The following VPS53 variants were observed in gnomAD, a reference collection of about 807,000 sequenced individuals.
VPS53 encodes the protein vacuolar protein sorting-associated protein 53 homolog.
A neutral mutation model predicts 107.0 loss-of-function variants in VPS53; 70 were observed. The ratio of observed to expected loss-of-function variants is 0.65; its 90% CI spans 0.54 to 0.80. VPS53 has a LOEUF of 0.80. Ranked by LOEUF, VPS53 falls within the 30% of genes least tolerant of loss-of-function variation. The pLI is 0.00. For synonymous variants in VPS53, 409 were observed against 393.3 expected (o/e 1.04, Z -0.47); for missense variants, 917 against 1,049.4 (o/e 0.87, Z 1.74).
intron 14 of VPS53, among the ~76,000 whole-genome samples, chr17:561,454 G>A (rs1265257619): frequency 6.6e-6 from 1 of 152,116 alleles, no homozygotes; most frequent in Non-Finnish European, 1.5e-5. Flanking sequence ...ATGCTCCCAC[G>A]ATGAAGTTAA....
intron 11 of VPS53, among the ~76,000 whole-genome samples, chr17:621,129 T>C (rs1218059220): frequency 6.6e-6 from 1 of 152,178 alleles, no homozygotes; most frequent in Non-Finnish European, 1.5e-5. Context: ...CCAAGAGACA[T>C]CCACTGTTAC....
In VPS53 at chr17:699,295, T is replaced by A. The variant is rs1009436011; in HGVS notation, c.218+36A>T. 3 of 1,477,160 alleles carry A rather than the reference T, an allele frequency of 2.0e-6. No individual in the cohort carries two copies. In the African/African-American group the frequency reaches 4.4e-5, roughly 22 times the overall value. The allele number at this position is 1,477,160 out of a possible 1,614,324, so 91.5% of individuals were successfully genotyped here. ...GATTAACTAAATTAACAATATACTT[T>A]TCATTAATTATGAACAATCACACAG... is the stretch of plus-strand genomic sequence containing the variant. On this transcript the variant is annotated intron_variant, in intron 3 of 21. Transcript: ENST00000437048.
intron 7 of VPS53, among the ~76,000 whole-genome samples, chr17:645,790 C>T (rs372448816): frequency 0.18 from 26,095 of 146,128 alleles, 2,669 homozygotes; most frequent in Admixed American, 0.28. Flanking sequence ...TCTCCGTGAC[C>T]GTGTGGCCAC....
chr17:541,082 C>CA (rs1910601632), intron 17 of VPS53, among the ~76,000 whole-genome samples: 1 of 152,348 alleles, frequency 6.6e-6, no homozygotes, highest in African/African-American at 2.4e-5. Context: ...AGCATAGACT[C>CA]AGACAGCTGG....
At chr17:563,816 A>G (rs1248130665) in intron 13 of VPS53, among the ~76,000 whole-genome samples, 1 of 152,238 alleles carries the variant, frequency 6.6e-6, no homozygotes, top group Non-Finnish European at 1.5e-5. Context: ...ATATTTAGAC[A>G]TCACGAACCT....
Position 547,065 on chromosome 17 carries a change from CA to C in VPS53, c.1866+4806del, listed in dbSNP as rs530924649. On this transcript the variant is annotated intron_variant, in intron 17 of 21. Transcript: ENST00000437048. ...CTAATTTTTGTATTTTTATTAGAGA[CA>C]GGGTTTCGCCATGTTGGCCAGGCTG... Among the ~76,000 whole-genome samples, 28 of 152,092 alleles carry C rather than the reference CA, an allele frequency of 1.8e-4. No homozygotes were observed. The South Asian group carries it at 5.6e-3, about 30-fold the overall frequency.
chr17:588,144 T>C (rs760801286), intron 12 of VPS53, among the ~76,000 whole-genome samples: 2 of 152,120 alleles, frequency 1.3e-5, no homozygotes, highest in South Asian at 2.1e-4. Context: ...GGTGAAACCC[T>C]GTCTCTACTA....
chr17:543,870 A>AGGGAGGGG (rs1910922758), intron 17 of VPS53, among the ~76,000 whole-genome samples: 1 of 64,416 alleles, frequency 1.6e-5, no homozygotes, highest in Non-Finnish European at 3.0e-5. Context: ...GGAGGGAGGG[A>AGGGAGGGG]AGGAGGGGAG....
At chr17:593,744 A>C (rs2143003875) in intron 12 of VPS53, among the ~76,000 whole-genome samples, 1 of 152,328 alleles carries the variant, frequency 6.6e-6, no homozygotes, top group South Asian at 2.1e-4. Context: ...TGTGGAAGTC[A>C]GTGTGGCGAT....
In VPS53 at chr17:519,328, C is replaced by T. The variant is rs971905858; in HGVS notation, c.2329-30G>A. 34 of 1,452,140 alleles carry T rather than the reference C, an allele frequency of 2.3e-5. No individual in the cohort carries two copies. Among genetic ancestry groups the T allele is most frequent in the Middle Eastern group, 1.8e-4 (1 of 5,448 alleles). The allele number at this position is 1,452,140 out of a possible 1,614,324, so 90.0% of individuals were successfully genotyped here. The stretch of plus-strand genomic sequence containing the variant: ...GGTTGAGAGAGAAACAGAACCGTCA[C>T]GAAGTCTGGGCCAGAATGGCCCACG... On this transcript the variant is annotated intron_variant, in intron 21 of 21. Coordinates refer to ENST00000437048, the MANE Select transcript of VPS53 (RefSeq NM_001128159.3). This position sits in a 1 kb window ranked among gnomAD's most constrained non-coding sequence, Gnocchi z 5.0.
At chr17:547,430 C>G (rs59019681) in intron 17 of VPS53, among the ~76,000 whole-genome samples, 30,322 of 152,024 alleles carry the variant, frequency 0.2, 6,135 homozygotes, top group African/African-American at 0.51. Flanking sequence ...CACAAGATGT[C>G]CCACATGCCA....
At position 591,442 on chromosome 17, in the gene VPS53, G is replaced by A. The variant is rs535810596; in HGVS notation, c.1219-5078C>T. ...CTAGCTTTTGAATGTGTTTGCTCTT[G>A]CTTTTCTAGTTCTTTTAATTGTGAT... is the stretch of plus-strand genomic sequence containing the variant. On this transcript the variant is annotated intron_variant, in intron 12 of 21. Transcript: ENST00000437048. Among the ~76,000 whole-genome samples, 1,300 of 152,056 alleles carry A rather than the reference G, an allele frequency of 8.5e-3. 18 individuals carry two copies. The highest frequency in any genetic ancestry group is 0.03 in the African/African-American group (1,251 of 41,468).
intron 6 of VPS53, among the ~76,000 whole-genome samples, chr17:655,315 T>TAAAAAGTAGATTGA (rs60550992): frequency 3.3e-5 from 5 of 151,618 alleles, no homozygotes; most frequent in Admixed American, 1.3e-4. Flanking sequence ...ATCTACTTTA[T>TAAAAAGTAGATTGA]AAAAAAAAGT....
At chr17:663,695 T>C (rs1033079470) in intron 4 of VPS53, among the ~76,000 whole-genome samples, 9 of 152,368 alleles carry the variant, frequency 5.9e-5, no homozygotes, top group African/African-American at 2.2e-4. Context: ...TATGAATTCC[T>C]GAGGCAGTTA....
At chr17:630,656 C>G (rs1172408795) in intron 8 of VPS53, among the ~76,000 whole-genome samples, 1 of 152,180 alleles carries the variant, frequency 6.6e-6, no homozygotes, top group Non-Finnish European at 1.5e-5. Flanking sequence ...CCACTTACTT[C>G]CTACATTTCT....
chr17:601,969 T>C, intron 11 of VPS53, 73 bp from the exon 12 acceptor site: 2 of 1,130,974 alleles, frequency 1.8e-6, no homozygotes, highest in Non-Finnish European at 2.4e-6. Context: ...ATCTGCTTTT[T>C]CTAGGTGTCT....
intron 4 of VPS53, among the ~76,000 whole-genome samples, chr17:691,996 C>T (rs537339833): frequency 3.3e-5 from 5 of 152,194 alleles, no homozygotes; most frequent in East Asian, 1.9e-4. Context: ...TAAGTGGGGA[C>T]GACTTGTAAT....
chr17:566,032 T>C (rs1597311084), intron 13 of VPS53, among the ~76,000 whole-genome samples: 2 of 151,086 alleles, frequency 1.3e-5, no homozygotes, highest in Admixed American at 1.3e-4. Context: ...TGAAACCCCG[T>C]CTCTACTAAA....
intron 8 of VPS53, among the ~76,000 whole-genome samples, chr17:631,207 A>T (rs1258979656): frequency 6.6e-6 from 1 of 152,028 alleles, no homozygotes; most frequent in African/African-American, 2.4e-5. Context: ...CCAGTAAGTT[A>T]TGTAACAATC....
Sources: gnomAD v4.1 joint callset for allele counts (sites outside exome capture counted in the v4.1 genomes callset) on GRCh38, gnomAD v4.1.1 for gene constraint, Gnocchi (gnomAD v3.1) non-coding constraint, MANE v1.5 for transcripts, NCBI Gene and HGNC (gene_info 2026-07-23, HGNC 2026-07-21) for gene names.